COPZ2: variants seen among roughly 807,000 people sequenced by gnomAD.
COPZ2 encodes coatomer subunit zeta-2.
COPZ2 carries 30 observed loss-of-function variants against 33.2 expected under a neutral mutation model. The observed-to-expected ratio is 0.90, with a 90% CI of 0.68 to 1.23. The LOEUF (loss-of-function observed/expected upper bound fraction) is 1.23, where lower values mean the gene tolerates loss of function less well. COPZ2 is among the 50% of genes most tolerant of loss of function. The pLI, the probability that COPZ2 is intolerant of heterozygous loss-of-function variation, is 0.00. For synonymous variants in COPZ2, 89 were observed against 102.6 expected (o/e 0.87, Z 0.80); for missense variants, 263 against 262.4 (o/e 1.00, Z -0.02).
upstream of COPZ2, among the ~76,000 whole-genome samples, chr17:48,043,003 G>A (rs1481545785): frequency 6.6e-6 from 1 of 152,216 alleles, no homozygotes; most frequent in African/African-American, 2.4e-5. Context: ...GTCTTCCACA[G>A]AGCATGGCCC....
chr17:48,029,184 A>G lies in COPZ2; in HGVS notation c.495-8T>C. 2 of 1,569,338 alleles carry G rather than the reference A, an allele frequency of 1.3e-6. No homozygotes were observed. The highest frequency in any genetic ancestry group is 1.2e-5 in the South Asian group (1 of 85,012). ...TCACTCTCCAGAATCACACTACAAG[A>G]TGAGAGGAAAAACCAGGAGGCAAAT... On this transcript the variant is annotated splice_region_variant and splice_polypyrimidine_tract_variant and intron_variant, in intron 6 of 8. Transcript: ENST00000621465.
chr17:48,029,655 C>T (rs1188902199), intron 6 of COPZ2, among the ~76,000 whole-genome samples: 1 of 130,830 alleles, frequency 7.6e-6, no homozygotes, highest in Non-Finnish European at 1.6e-5. Flanking sequence ...TCTACCTTCT[C>T]CCCTACTTCC....
At chr17:48,037,858 C>CCCTCTCGCGCGTGGCCT, upstream of COPZ2, 1 of 982,688 alleles carries the variant, frequency 1.0e-6, no homozygotes, top group Non-Finnish European at 1.2e-6. The surrounding 1 kb of genome is among the most constrained non-coding windows in gnomAD (Gnocchi z 5.6). Flanking sequence ...CCCCGCGGCC[C>CCCTCTCGCGCGTGGCCT]CCTCTCGCGC....
intron 7 of COPZ2, 23 bp downstream of exon 7, chr17:48,029,102 G>A (rs2036855474): frequency 6.4e-7 from 1 of 1,566,416 alleles, no homozygotes; most frequent in Non-Finnish European, 8.7e-7. Flanking sequence ...CCTAAAAGAG[G>A]AGGTGTCCAG....
In COPZ2 at chr17:48,033,943, T is replaced by C. The variant is rs767316989; in HGVS notation, c.188A>G (p.Tyr63Cys). The change falls in exon 3 of 9, where the codon TAT becomes TGT. Residue 63 changes from tyrosine (Y) to cysteine (C), a missense_variant and splice_region_variant. Tyr to Cys is a radical substitution (Grantham distance 194). Transcript: ENST00000621465. ...CATGGAGGGGAATGTGTCATCATAATACTATGAGAAAGGGAAGGAGAAAGG... is the reference window on the plus strand; with the variant it reads ...CATGGAGGGGAATGTGTCATCATAACACTATGAGAAAGGGAAGGAGAAAGG... ...DNDGRRLLAK[Y>C]YDDTFPSMKE... 6.2e-7 allele frequency: 1 copy of C among 1,603,322 alleles called. No individual in the cohort carries two copies. Among genetic ancestry groups the C allele is most frequent in the East Asian group, 2.2e-5 (1 of 44,772 alleles).
chr17:48,038,584 T>C (rs1306614598), upstream of COPZ2, among the ~76,000 whole-genome samples: 1 of 152,178 alleles, frequency 6.6e-6, no homozygotes, highest in Non-Finnish European at 1.5e-5. Context: ...TCACATCCAT[T>C]ATCTAATATA....
At chr17:48,046,095 C>G in the COPZ2 span, 1 of 152,146 alleles carries the variant, frequency 6.6e-6, no homozygotes, top group African/African-American at 2.4e-5. Flanking sequence ...TCTCTTCGGC[C>G]CTTGCAACTC....
chr17:48,035,035 C>T (rs1457174934), intron 2 of COPZ2, among the ~76,000 whole-genome samples: 1 of 152,122 alleles, frequency 6.6e-6, no homozygotes, highest in Non-Finnish European at 1.5e-5. Context: ...AGTTGTGAGG[C>T]CAAAGCTGGG....
At chr17:48,031,956 G>A in intron 6 of COPZ2, 200 bp downstream of exon 6, 1 of 605,122 alleles carries the variant, frequency 1.7e-6, no homozygotes, top group South Asian at 2.0e-5. Context: ...GCTTGACTTT[G>A]GCTAACATTG....
chr17:48,044,107 G>A, the COPZ2 span, among the ~76,000 whole-genome samples: 852 of 152,354 alleles, frequency 5.6e-3, 5 homozygotes, highest in African/African-American at 0.019. Context: ...AGCACTTTGG[G>A]AGGCTGAGGT....
At position 48,037,690 on chromosome 17, in the gene COPZ2, C is replaced by A; in HGVS notation, c.88G>T (p.Ala30Ser). The A allele has an allele frequency of 9.1e-7, 1 of 1,098,672 alleles. No individual in the cohort carries two copies. Among genetic ancestry groups the A allele is most frequent in the Non-Finnish European group, 1.1e-6 (1 of 905,272 alleles). The allele number at this position is 1,098,672 out of a possible 1,614,324, so 68.1% of individuals were successfully genotyped here. The change falls in exon 1 of 9, where the codon GCC becomes TCC. Residue 30 changes from alanine to serine, a missense_variant. Physicochemically the swap from Ala to Ser is moderately conservative, Grantham distance 99. Transcript: ENST00000621465. This position sits in a 1 kb window ranked among gnomAD's most constrained non-coding sequence, Gnocchi z 5.6. ...QAGGPAPPAR[A>S]GEPSGLRLQE... ...ACCCGCAGCCCCGAGGGCTCCCCGG[C>A]TCGAGCAGGCGGCGCCGGGCCCCCG...
upstream of COPZ2, among the ~76,000 whole-genome samples, chr17:48,039,610 C>T (rs1305174965): frequency 6.6e-6 from 1 of 152,180 alleles, no homozygotes; most frequent in Non-Finnish European, 1.5e-5. Flanking sequence ...ATCCTCCCAC[C>T]TCAGCCTCCC....
At chr17:48,032,083 C>T in intron 6 of COPZ2, 73 bp downstream of exon 6, 1 of 1,247,942 alleles carries the variant, frequency 8.0e-7, no homozygotes, top group Non-Finnish European at 1.2e-6. Flanking sequence ...TCTAGCCATG[C>T]TGGGTGCCAT....
At position 48,033,197 on chromosome 17, in the gene COPZ2, C is replaced by A. The variant is rs780798202; in HGVS notation, c.360+14G>T. ...AGACAGACCCTTCTTACTGCCCCAA[C>A]CTCCTGAATTCACCTCATTCTCGTA... On this transcript the variant is annotated intron_variant, in intron 4 of 8. Coordinates refer to ENST00000621465, the MANE Select transcript of COPZ2 (RefSeq NM_016429.4). 7.8e-5 allele frequency: 122 copies of A among 1,562,380 alleles called. No individual in the cohort carries two copies. The highest frequency in any genetic ancestry group is 1.0e-4 in the Non-Finnish European group (119 of 1,134,826).
At chr17:48,044,427 T>C in the COPZ2 span, among the ~76,000 whole-genome samples, 1 of 146,704 alleles carries the variant, frequency 6.8e-6, no homozygotes, top group African/African-American at 2.5e-5. Flanking sequence ...TTTTTTTTTT[T>C]ACCCCAATGT....
the COPZ2 span, chr17:48,047,569 C>G: frequency 6.6e-6 from 1 of 152,182 alleles, no homozygotes; most frequent in Admixed American, 6.5e-5. Context: ...GGAGGCCAAA[C>G]GAGGGGGGTC....
upstream of COPZ2, among the ~76,000 whole-genome samples, chr17:48,038,535 C>A (rs560829970): frequency 3.9e-4 from 60 of 152,306 alleles, no homozygotes; most frequent in African/African-American, 1.4e-3. Context: ...ATGCATTTAC[C>A]GGTAAAAACA....
chr17:48,037,953 C>T, upstream of COPZ2: 1 of 688,508 alleles, frequency 1.5e-6, no homozygotes, highest in Non-Finnish European at 1.8e-6. The surrounding 1 kb of genome is among the most constrained non-coding windows in gnomAD (Gnocchi z 5.6). Flanking sequence ...CTCCTTCCCC[C>T]ACTTCTCCTC....
At chr17:48,045,565 C>G in the COPZ2 span, 1 of 152,328 alleles carries the variant, frequency 6.6e-6, no homozygotes, top group East Asian at 1.9e-4. Flanking sequence ...TTAGCTGGCC[C>G]CAAATCCGTG....
Sources: gnomAD v4.1 joint callset for allele counts (sites outside exome capture counted in the v4.1 genomes callset) on GRCh38, gnomAD v4.1.1 for gene constraint, Gnocchi (gnomAD v3.1) non-coding constraint, MANE v1.5 for transcripts, NCBI Gene and HGNC (gene_info 2026-07-23, HGNC 2026-07-21) for gene names.